Variants in EHBP1 observed in about 807,000 individuals in gnomAD.
EHBP1 encodes the protein EH domain binding protein 1, also known as EH domain-binding protein 1.
A neutral mutation model predicts 144.0 loss-of-function variants in EHBP1; 55 were observed. The observed-to-expected ratio is 0.38, with a 90% CI of 0.31 to 0.48. The LOEUF (loss-of-function observed/expected upper bound fraction) is 0.48. EHBP1 is among the 20% of genes least tolerant of loss of function. The pLI is 0.98. For synonymous variants in EHBP1, 469 were observed against 472.7 expected (o/e 0.99, Z 0.10); for missense variants, 1,200 against 1,364.2 (o/e 0.88, Z 1.90).
intron 10 of EHBP1, among the ~76,000 whole-genome samples, chr2:62,889,947 T>C (rs886890258): frequency 2.6e-5 from 4 of 151,750 alleles, no homozygotes; most frequent in African/African-American, 9.7e-5. Flanking sequence ...GCTCTTTTTT[T>C]ATTCCATATG....
At chr2:62,955,020 C>CT (rs1352228861) in intron 13 of EHBP1, among the ~76,000 whole-genome samples, 3 of 151,538 alleles carry the variant, frequency 2.0e-5, no homozygotes, top group African/African-American at 2.4e-5. Flanking sequence ...ACTAGTTTTA[C>CT]TTTTTTTTAA....
intron 3 of EHBP1, among the ~76,000 whole-genome samples, chr2:62,759,775 A>T (rs572047309): frequency 6.6e-6 from 1 of 152,306 alleles, no homozygotes; most frequent in East Asian, 1.9e-4. Context: ...GTACAATTAG[A>T]TATTTATTAC....
At chr2:62,967,839 C>T (rs552260195) in intron 14 of EHBP1, among the ~76,000 whole-genome samples, 13 of 151,910 alleles carry the variant, frequency 8.6e-5, no homozygotes, top group Non-Finnish European at 1.2e-4. Flanking sequence ...TACATCTGGT[C>T]GGCTTGCCAA....
chr2:62,980,746 A>G (rs537523940), intron 15 of EHBP1, among the ~76,000 whole-genome samples: 103 of 151,956 alleles, frequency 6.8e-4, no homozygotes, highest in African/African-American at 2.2e-3. Context: ...TGGGAGGCCA[A>G]GGTGGGAGGA....
chr2:63,033,642 A>T (rs544174412), intron 19 of EHBP1, among the ~76,000 whole-genome samples: 1 of 152,180 alleles, frequency 6.6e-6, no homozygotes, highest in African/African-American at 2.4e-5. Flanking sequence ...TAAAACATTC[A>T]TAATTTCTGG....
At chr2:62,941,383 C>T (rs899636830) in intron 10 of EHBP1, among the ~76,000 whole-genome samples, 1 of 152,044 alleles carries the variant, frequency 6.6e-6, no homozygotes, top group African/African-American at 2.4e-5. Context: ...TTGATCCAAA[C>T]CGTTGATTTT....
At chr2:62,919,314 C>T (rs1369389070) in intron 10 of EHBP1, among the ~76,000 whole-genome samples, 2 of 152,156 alleles carry the variant, frequency 1.3e-5, no homozygotes, top group African/African-American at 4.8e-5. Flanking sequence ...CTTCATTTAT[C>T]TCTTTTTCCC....
At chr2:62,863,840 G>GTT (rs70962797) in intron 8 of EHBP1, among the ~76,000 whole-genome samples, 10,077 of 81,726 alleles carry the variant, frequency 0.12, 1,608 homozygotes, top group Middle Eastern at 0.2. Context: ...TTTCTGTGTT[G>GTT]TTTTTTTTTT....
rs2665640 is a variant in EHBP1 at position 62,738,010 on chromosome 2, C to G, written c.105-9385C>G. Among the ~76,000 whole-genome samples the G allele has an allele frequency of 1.7e-4, 26 of 152,296 alleles. No individual in the cohort carries two copies. The East Asian group carries it at 4.8e-3, about 28-fold the overall frequency. Reference sequence around the variant, plus strand: ...GAACTCATGGCTTCAAGTGATCTTCCTGCCTTGCCCTCTCAAGTTGTTGGG... The same window carrying G: ...GAACTCATGGCTTCAAGTGATCTTCGTGCCTTGCCCTCTCAAGTTGTTGGG... On this transcript the variant is annotated intron_variant, in intron 2 of 22. Coordinates refer to ENST00000431489, the MANE Select transcript of EHBP1 (RefSeq NM_001142616.3).
chr2:62,748,066 C>CA (rs764410891), intron 3 of EHBP1, among the ~76,000 whole-genome samples: 1 of 152,058 alleles, frequency 6.6e-6, no homozygotes, highest in Non-Finnish European at 1.5e-5. Flanking sequence ...TGGACTGAGA[C>CA]AGTAGCCTTG....
intron 1 of EHBP1, among the ~76,000 whole-genome samples, chr2:62,679,435 C>T (rs1386245314): frequency 6.6e-6 from 1 of 152,096 alleles, no homozygotes; most frequent in Non-Finnish European, 1.5e-5. Context: ...AATTTTAGCA[C>T]TTTTTTGTTC....
At chr2:62,990,975 T>C in intron 16 of EHBP1, 135 bp downstream of exon 16, 2 of 1,068,090 alleles carry the variant, frequency 1.9e-6, no homozygotes, top group South Asian at 3.8e-5. Flanking sequence ...AAATTTTTAC[T>C]GGTGAGGTGT....
intron 19 of EHBP1, among the ~76,000 whole-genome samples, chr2:63,010,032 A>G (rs1165190483): frequency 2.6e-5 from 4 of 151,466 alleles, no homozygotes; most frequent in South Asian, 2.1e-4. Flanking sequence ...TTTGGACCTC[A>G]GTAAGTGATA....
At chr2:62,983,439 T>C (rs2059053631) in intron 15 of EHBP1, among the ~76,000 whole-genome samples, 1 of 152,056 alleles carries the variant, frequency 6.6e-6, no homozygotes, top group South Asian at 2.1e-4. Flanking sequence ...TATTATAAAG[T>C]ATATTATATA....
At chr2:63,010,947 T>C (rs1166009919) in intron 19 of EHBP1, among the ~76,000 whole-genome samples, 1 of 151,608 alleles carries the variant, frequency 6.6e-6, no homozygotes, top group Non-Finnish European at 1.5e-5. Flanking sequence ...TGCAAATGTA[T>C]TTACATAGGA....
chr2:62,809,002 A>G lies in EHBP1; in HGVS notation c.313-17085A>G, dbSNP rs2044729208. Among the ~76,000 whole-genome samples the G allele has an allele frequency of 2.0e-5, 3 of 152,186 alleles. No individual in the cohort carries two copies. The South Asian group carries it at 6.2e-4, about 32-fold the overall frequency. Reference sequence around the variant, plus strand: ...TCTCTTGAGGGCAGACCTTGGTAAGAGCAGAGTAGGCCAGGCGCAGTGGCT... The same window carrying G: ...TCTCTTGAGGGCAGACCTTGGTAAGGGCAGAGTAGGCCAGGCGCAGTGGCT... On this transcript the variant is annotated intron_variant, in intron 5 of 22. Coordinates refer to ENST00000431489, the MANE Select transcript of EHBP1 (RefSeq NM_001142616.3).
intron 13 of EHBP1, among the ~76,000 whole-genome samples, chr2:62,950,842 C>T (rs1367321440): frequency 6.6e-6 from 1 of 152,088 alleles, no homozygotes; most frequent in African/African-American, 2.4e-5. Context: ...TGTGCCACCA[C>T]ACCCGGCTAA....
chr2:63,008,407 T>A (rs958279571), intron 19 of EHBP1, among the ~76,000 whole-genome samples: 1 of 151,598 alleles, frequency 6.6e-6, no homozygotes, highest in South Asian at 2.1e-4. Flanking sequence ...TCAGTCTTGT[T>A]TTTTTCATTT....
intron 2 of EHBP1, among the ~76,000 whole-genome samples, chr2:62,725,355 G>A (rs996663057): frequency 2.0e-5 from 3 of 152,192 alleles, no homozygotes; most frequent in East Asian, 1.9e-4. Context: ...AGTGGGTCCC[G>A]GGGTGCCTGC....
Sources: allele counts gnomAD v4.1 joint callset (sites outside exome capture counted in the v4.1 genomes callset), GRCh38; gene constraint gnomAD v4.1.1; transcripts MANE v1.5; gene names NCBI Gene and HGNC (gene_info 2026-07-23, HGNC 2026-07-21).